The following TMEM163 variants were observed in gnomAD, a reference collection of about 807,000 sequenced individuals.
TMEM163 encodes transmembrane protein 163.
A neutral mutation model predicts 29.3 loss-of-function variants in TMEM163; 17 were observed. That is an observed-to-expected ratio of 0.58 (90% confidence interval 0.40 to 0.87). The LOEUF (loss-of-function observed/expected upper bound fraction) is 0.87. Among genes scored for constraint, TMEM163 ranks in the 40% least tolerant of loss-of-function variants. TMEM163 has a pLI of 0.00. For missense variants in TMEM163, 303 were observed against 381.5 expected (o/e 0.79, Z 1.71); for synonymous variants, 157 against 160.6 (o/e 0.98, Z 0.17).
intron 2 of TMEM163, among the ~76,000 whole-genome samples, chr2:134,630,182 C>T (rs145222666): frequency 6.6e-6 from 1 of 152,160 alleles, no homozygotes; most frequent in African/African-American, 2.4e-5. Flanking sequence ...CTGATCCTCA[C>T]TTTTTGCATC....
chr2:134,473,302 G>A (rs150365534), intron 5 of TMEM163, among the ~76,000 whole-genome samples: 3 of 152,186 alleles, frequency 2.0e-5, no homozygotes, highest in South Asian at 2.1e-4. Flanking sequence ...TTGGGAGTCC[G>A]AGGCAGGTGG....
At chr2:134,629,496 C>A (rs1682923475) in intron 2 of TMEM163, among the ~76,000 whole-genome samples, 1 of 152,106 alleles carries the variant, frequency 6.6e-6, no homozygotes, top group South Asian at 2.1e-4. Context: ...TATCACATGG[C>A]AAGTTTGTAT....
At chr2:134,594,304 A>G (rs1261489238) in intron 2 of TMEM163, among the ~76,000 whole-genome samples, 1 of 152,122 alleles carries the variant, frequency 6.6e-6, no homozygotes, top group Admixed American at 6.6e-5. Context: ...TTGAACATTA[A>G]TGCAATCTAA....
chr2:134,531,662 A>C (rs1357217656), intron 4 of TMEM163, among the ~76,000 whole-genome samples: 1 of 152,222 alleles, frequency 6.6e-6, no homozygotes, highest in African/African-American at 2.4e-5. Flanking sequence ...AGAAGAAGGG[A>C]TGCATGGAGC....
chr2:134,551,732 C>T (rs1680930666), intron 3 of TMEM163, among the ~76,000 whole-genome samples: 1 of 152,186 alleles, frequency 6.6e-6, no homozygotes, highest in African/African-American at 2.4e-5. Flanking sequence ...CCAGAAAATG[C>T]TTTGCTTCAG....
At chr2:134,550,047 G>A (rs543301817) in intron 4 of TMEM163, among the ~76,000 whole-genome samples, 2 of 152,274 alleles carry the variant, frequency 1.3e-5, no homozygotes, top group African/African-American at 4.8e-5. Context: ...TAAAGAGATG[G>A]AAGTTGGAAA....
At chr2:134,491,451 C>T (rs1278748047) in intron 5 of TMEM163, among the ~76,000 whole-genome samples, 3 of 151,926 alleles carry the variant, frequency 2.0e-5, no homozygotes, top group East Asian at 3.9e-4. Flanking sequence ...GTCTCGGGGC[C>T]GTATTTCCTC....
At chr2:134,576,893 A>G (rs1681566959) in intron 2 of TMEM163, among the ~76,000 whole-genome samples, 1 of 152,190 alleles carries the variant, frequency 6.6e-6, no homozygotes, top group Non-Finnish European at 1.5e-5. Context: ...AGACATTAAT[A>G]TCTACTCACT....
chr2:134,683,980 G>A (rs556808443), intron 2 of TMEM163, among the ~76,000 whole-genome samples: 5 of 152,162 alleles, frequency 3.3e-5, no homozygotes, highest in East Asian at 3.9e-4. Context: ...CAGTAAAATG[G>A]GCATTTTACC....
intron 2 of TMEM163, among the ~76,000 whole-genome samples, chr2:134,585,678 C>G (rs957336790): frequency 2.7e-5 from 4 of 150,710 alleles, no homozygotes; most frequent in Non-Finnish European, 5.9e-5. Flanking sequence ...GGAGGCGGAG[C>G]TTGCAGTGAG....
At chr2:134,683,082 G>T (rs2104876924) in intron 2 of TMEM163, among the ~76,000 whole-genome samples, 1 of 152,270 alleles carries the variant, frequency 6.6e-6, no homozygotes, top group Middle Eastern at 3.4e-3. Flanking sequence ...TATAGAAACA[G>T]GTTACCTAAA....
At position 134,550,751 on chromosome 2, in the gene TMEM163, C is replaced by T. The variant is rs973108741; in HGVS notation, c.367-90G>A. Reference sequence around the variant, plus strand: ...AGGACAACTGTGCTGTGACTCAGAACATCTGCATGAGTAAACTCTGAGCAA... The same window carrying T: ...AGGACAACTGTGCTGTGACTCAGAATATCTGCATGAGTAAACTCTGAGCAA... On this transcript the variant is annotated intron_variant, in intron 3 of 7. Transcript: ENST00000281924. 2.0e-5 allele frequency: 24 copies of T among 1,228,424 alleles called. No homozygotes were observed. The African/African-American group carries it at 3.0e-4, about 15-fold the overall frequency. 76.1% of individuals were successfully genotyped at this position (1,228,424 alleles called of 1,614,324 possible). A position where few individuals can be genotyped will look rare whatever the true frequency, so the allele number is the denominator to read the frequency against.
chr2:134,532,295 CA>C (rs950060340), intron 4 of TMEM163, among the ~76,000 whole-genome samples: 2 of 152,222 alleles, frequency 1.3e-5, no homozygotes, highest in African/African-American at 4.8e-5. Context: ...AATCTGCACA[CA>C]AGGCCTCCTG....
At chr2:134,521,706 C>T (rs551497) in intron 4 of TMEM163, among the ~76,000 whole-genome samples, 94,644 of 152,020 alleles carry the variant, frequency 0.62, 31,609 homozygotes, top group East Asian at 0.96. Context: ...CAATGGTGAA[C>T]TCACAGAAAG....
At chr2:134,698,345 A>C (rs992899787) in intron 2 of TMEM163, among the ~76,000 whole-genome samples, 3 of 152,216 alleles carry the variant, frequency 2.0e-5, no homozygotes, top group Admixed American at 6.5e-5. Flanking sequence ...ACTTCATCCA[A>C]GTCTTCAAAT....
chr2:134,600,671 T>C (rs953904600), intron 2 of TMEM163, among the ~76,000 whole-genome samples: 3 of 152,166 alleles, frequency 2.0e-5, no homozygotes, highest in African/African-American at 7.2e-5. Flanking sequence ...AAAGCACCTG[T>C]GAATAATGAA....
At chr2:134,537,320 C>T in intron 4 of TMEM163, among the ~76,000 whole-genome samples, 1 of 152,322 alleles carries the variant, frequency 6.6e-6, no homozygotes, top group East Asian at 1.9e-4. Flanking sequence ...GCAACAGTGA[C>T]TTTCTCACAG....
chr2:134,559,772 G>C (rs552190334), intron 2 of TMEM163, among the ~76,000 whole-genome samples: 1 of 152,040 alleles, frequency 6.6e-6, no homozygotes, highest in Admixed American at 6.6e-5. Context: ...TATTGCCCTC[G>C]AGCTGCTGCT....
intron 4 of TMEM163, among the ~76,000 whole-genome samples, chr2:134,536,338 G>A (rs950736656): frequency 2.6e-5 from 4 of 152,168 alleles, no homozygotes; most frequent in African/African-American, 9.7e-5. Flanking sequence ...CCAGCTTGCT[G>A]GAAATCTGTG....
Sources: allele counts gnomAD v4.1 joint callset (sites outside exome capture counted in the v4.1 genomes callset), GRCh38; gene constraint gnomAD v4.1.1; transcripts MANE v1.5; gene names NCBI Gene and HGNC (gene_info 2026-07-23, HGNC 2026-07-21).